ASTN2: variants seen among roughly 807,000 people sequenced by gnomAD.
The protein encoded by ASTN2 is astrotactin-2.
In ASTN2, 54 loss-of-function variants were observed where a neutral mutation model predicts 139.8. The ratio of observed to expected loss-of-function variants is 0.39; its 90% CI spans 0.31 to 0.48. The LOEUF (loss-of-function observed/expected upper bound fraction) is 0.48. ASTN2 is among the 20% of genes least tolerant of loss of function. The pLI is 0.95. For missense variants in ASTN2, 1,565 were observed against 1,725.1 expected (o/e 0.91, Z 1.64); for synonymous variants, 756 against 719.5 (o/e 1.05, Z -0.81).
intron 19 of ASTN2, among the ~76,000 whole-genome samples, chr9:116,565,582 C>T (rs1266863250): frequency 6.7e-6 from 1 of 150,204 alleles, no homozygotes; most frequent in Non-Finnish European, 1.5e-5. Context: ...GATCTTCCCA[C>T]CTCAGCCTCA....
chr9:116,516,452 T>C (rs1163096980), intron 19 of ASTN2, among the ~76,000 whole-genome samples: 1 of 152,228 alleles, frequency 6.6e-6, no homozygotes, highest in Non-Finnish European at 1.5e-5. Context: ...ATGATCATTA[T>C]GATAATAAAT....
At chr9:116,627,394 T>G (rs1239595904) in intron 17 of ASTN2, among the ~76,000 whole-genome samples, 1 of 152,208 alleles carries the variant, frequency 6.6e-6, no homozygotes, top group East Asian at 1.9e-4. Flanking sequence ...GACATGAAGC[T>G]GGTCCTCACA....
At chr9:116,505,578 C>G (rs1850074527) in intron 19 of ASTN2, among the ~76,000 whole-genome samples, 1 of 152,142 alleles carries the variant, frequency 6.6e-6, no homozygotes, top group Admixed American at 6.5e-5. Flanking sequence ...TAGAATGTTT[C>G]AAGGATTCAA....
intron 16 of ASTN2, among the ~76,000 whole-genome samples, chr9:116,682,270 A>C (rs1484118165): frequency 1.3e-5 from 2 of 152,204 alleles, no homozygotes; most frequent in African/African-American, 4.8e-5. Context: ...AAAACACATG[A>C]AAAAATGCTC....
intron 1 of ASTN2, among the ~76,000 whole-genome samples, chr9:117,298,695 C>CATATATATATAT (rs1465675701): frequency 0.05 from 3,144 of 62,704 alleles, 53 homozygotes; most frequent in South Asian, 0.14. Flanking sequence ...TATATATGTG[C>CATATATATATAT]ATATGTATGT....
At chr9:116,767,792 G>T (rs568963918) in intron 13 of ASTN2, among the ~76,000 whole-genome samples, 1 of 152,310 alleles carries the variant, frequency 6.6e-6, no homozygotes, top group African/African-American at 2.4e-5. Context: ...CAATGATGGG[G>T]AACAGAGGAA....
chr9:116,783,588 C>T (rs1830280428), intron 13 of ASTN2, among the ~76,000 whole-genome samples: 1 of 152,040 alleles, frequency 6.6e-6, no homozygotes, highest in South Asian at 2.1e-4. Flanking sequence ...ATATGTTCAC[C>T]TAGACAATGA....
At chr9:117,316,840 C>A (rs1372276210) in intron 1 of ASTN2, among the ~76,000 whole-genome samples, 1 of 152,108 alleles carries the variant, frequency 6.6e-6, no homozygotes, top group Non-Finnish European at 1.5e-5. Flanking sequence ...TTGCCTTGGG[C>A]CTGGGGATCC....
chr9:116,835,073 G>A (rs994818254), intron 11 of ASTN2, among the ~76,000 whole-genome samples: 9 of 152,114 alleles, frequency 5.9e-5, no homozygotes, highest in African/African-American at 2.2e-4. Flanking sequence ...TTCTAAAACA[G>A]AAATTATTTA....
intron 2 of ASTN2, among the ~76,000 whole-genome samples, chr9:117,242,813 GC>G (rs1254495782): frequency 6.6e-6 from 1 of 152,218 alleles, no homozygotes; most frequent in Non-Finnish European, 1.5e-5. Flanking sequence ...GCTGCCCAGA[GC>G]AAAAGTGTGT....
chr9:116,775,770 G>T (rs1365306296), intron 13 of ASTN2, among the ~76,000 whole-genome samples: 1 of 146,442 alleles, frequency 6.8e-6, no homozygotes, highest in Non-Finnish European at 1.5e-5. Context: ...GAGGAGGAAA[G>T]GGGGAAGGAG....
At position 116,580,804 on chromosome 9, in the gene ASTN2, C is replaced by A. The variant is rs1224400640; in HGVS notation, c.3355+37520G>T. The stretch of plus-strand genomic sequence containing the variant: ...CAGACCTCATGAAAGGTATTTTGTG[C>A]AAACGAGGTGTGATTTACACTTCCT... On this transcript the variant is annotated intron_variant, in intron 19 of 22. Transcript: ENST00000313400. 2.0e-5 allele frequency among the ~76,000 whole-genome samples: 3 copies of A among 151,984 alleles called. No homozygotes were observed. The East Asian group carries it at 5.8e-4, about 29-fold the overall frequency.
chr9:117,321,197 G>A (rs1828313170), intron 1 of ASTN2, among the ~76,000 whole-genome samples: 2 of 152,206 alleles, frequency 1.3e-5, no homozygotes, highest in African/African-American at 2.4e-5. Flanking sequence ...TACAGCGGGT[G>A]CTTAGTGAAT....
intron 3 of ASTN2, among the ~76,000 whole-genome samples, chr9:117,173,171 CA>C (rs1300231453): frequency 3.9e-5 from 6 of 152,058 alleles, no homozygotes; most frequent in Admixed American, 2.0e-4. Context: ...CAATTACTTA[CA>C]AAAAAATAAA....
chr9:116,719,275 A>C (rs1457085960), intron 16 of ASTN2, among the ~76,000 whole-genome samples: 2 of 152,134 alleles, frequency 1.3e-5, no homozygotes, highest in African/African-American at 2.4e-5. Flanking sequence ...TGGGTGGCTG[A>C]AATCAGCAGA....
At chr9:116,977,482 T>C (rs896246259) in intron 7 of ASTN2, among the ~76,000 whole-genome samples, 1 of 152,104 alleles carries the variant, frequency 6.6e-6, no homozygotes, top group African/African-American at 2.4e-5. Context: ...TCCATTATTT[T>C]TTTTTCTGGC....
intron 2 of ASTN2, among the ~76,000 whole-genome samples, chr9:117,241,648 G>A (rs1833210535): frequency 1.3e-5 from 2 of 152,316 alleles, no homozygotes; most frequent in South Asian, 2.1e-4. Flanking sequence ...AGGAGGCAGA[G>A]CTCAGGCAGA....
At chr9:116,531,043 G>A (rs911142464) in intron 19 of ASTN2, among the ~76,000 whole-genome samples, 6 of 152,154 alleles carry the variant, frequency 3.9e-5, no homozygotes, top group Non-Finnish European at 1.5e-5. Context: ...ACAAAGTGTA[G>A]CATTTTATTC....
intron 7 of ASTN2, 37 bp from the exon 8 acceptor site, chr9:116,976,822 A>C: frequency 2.5e-6 from 4 of 1,584,038 alleles, no homozygotes; most frequent in Non-Finnish European, 3.5e-6. Flanking sequence ...TGTTAAGTAG[A>C]GTCTCCCCAA....
Sources: allele counts gnomAD v4.1 joint callset (sites outside exome capture counted in the v4.1 genomes callset), GRCh38; gene constraint gnomAD v4.1.1; transcripts MANE v1.5; gene names NCBI Gene and HGNC (gene_info 2026-07-23, HGNC 2026-07-21).